The following CPSF2 variants were observed in gnomAD, a reference collection of about 807,000 sequenced individuals.
The protein encoded by CPSF2 is cleavage and polyadenylation specificity factor subunit 2.
CPSF2 carries 51 observed loss-of-function variants against 84.2 expected under a neutral mutation model. The ratio of observed to expected loss-of-function variants is 0.61; its 90% CI spans 0.48 to 0.77. CPSF2 has a LOEUF of 0.77. CPSF2 is among the 30% of genes least tolerant of loss of function. The pLI is 0.00. For missense variants in CPSF2, 641 were observed against 929.4 expected (o/e 0.69, Z 4.03); for synonymous variants, 286 against 311.9 (o/e 0.92, Z 0.87).
intron 2 of CPSF2, among the ~76,000 whole-genome samples, chr14:92,126,454 C>T (rs1440532699): frequency 6.6e-6 from 1 of 152,130 alleles, no homozygotes; most frequent in Non-Finnish European, 1.5e-5. Context: ...AAGGTCCTTT[C>T]CAAAATTGTA....
intron 1 of CPSF2, among the ~76,000 whole-genome samples, chr14:92,125,787 T>TC (rs1310343198): frequency 6.6e-6 from 1 of 152,188 alleles, no homozygotes; most frequent in African/African-American, 2.4e-5. Flanking sequence ...CTCCTGTTAC[T>TC]CCTCTGTTTT....
At chr14:92,143,775 T>A (rs1303098492) in intron 9 of CPSF2, among the ~76,000 whole-genome samples, 1 of 152,086 alleles carries the variant, frequency 6.6e-6, no homozygotes, top group East Asian at 1.9e-4. Context: ...CTGGCTATTT[T>A]TTTATTTTTA....
Position 92,131,025 on chromosome 14 carries a change from A to G in CPSF2, c.41A>G (p.Gln14Arg), listed in dbSNP as rs2068919031. The G allele has an allele frequency of 1.2e-6, 2 of 1,612,876 alleles. No homozygotes were observed. Among genetic ancestry groups the G allele is most frequent in the African/African-American group, 2.7e-5 (2 of 75,002 alleles). The change falls in exon 3 of 16, where the codon CAA (glutamine) becomes CGA (arginine). Residue 14 changes from glutamine (Q) to arginine (R), a missense_variant. Transcript: ENST00000298875. ...AAATTAACTACCCTTTCTGGGGTCC[A>G]AGAAGAATCTGCCCTTTGCTATCTT... is the stretch of plus-strand genomic sequence containing the variant. The part of the protein sequence containing the change: ...IIKLTTLSGV[Q>R]EESALCYLLQ...
chr14:92,125,526 T>C (rs1276104447), intron 1 of CPSF2, among the ~76,000 whole-genome samples: 1 of 152,098 alleles, frequency 6.6e-6, no homozygotes. Flanking sequence ...ACACACCAGC[T>C]AATATCCCCA....
chr14:92,151,699 G>C (rs140542103), intron 9 of CPSF2, among the ~76,000 whole-genome samples: 1 of 152,266 alleles, frequency 6.6e-6, no homozygotes, highest in East Asian at 1.9e-4. Flanking sequence ...GAATCCAGCT[G>C]TCTTCTGTTG....
rs1326189322 is a variant in CPSF2, at chr14:92,170,982, A to C, written c.*9238A>C. 1 of 152,234 alleles carries C rather than the reference A, an allele frequency of 6.6e-6. No homozygotes were observed. Among genetic ancestry groups the C allele is most frequent in the African/African-American group, 2.4e-5 (1 of 41,452 alleles). 9.4% of individuals were successfully genotyped at this position (152,234 alleles called of 1,614,324 possible). ...GTATCCATAGTGAAATGATTATTAC[A>C]GGTATTAATTAATGAGGAATTACGT... On this transcript the variant is annotated 3_prime_UTR_variant, in exon 16 of 16. Transcript: ENST00000298875.
Position 92,154,364 on chromosome 14 carries a change from AAAC to A in CPSF2, c.1148_1150del (p.Lys383_Arg384delinsSer). The A allele has an allele frequency of 6.3e-7, 1 of 1,592,554 alleles. No individual in the cohort carries two copies. Among genetic ancestry groups the A allele is most frequent in the Non-Finnish European group, 8.5e-7 (1 of 1,173,686 alleles). ...GTCTTTTATTTTTTTTTAGTTGAGG[AAAC>A]GTGTGAAGCTTGAAGGGAAAGAACT... On this transcript the variant is annotated inframe_deletion, in exon 10 of 16. Coordinates refer to ENST00000298875, the MANE Select transcript of CPSF2 (RefSeq NM_017437.3).
chr14:92,123,155 T>G (rs2068799036), intron 1 of CPSF2, among the ~76,000 whole-genome samples: 1 of 152,192 alleles, frequency 6.6e-6, no homozygotes. Flanking sequence ...TGAGAAGGAA[T>G]CTCGCTCTGT....
At chr14:92,131,837 CA>C (rs551887912) in intron 3 of CPSF2, among the ~76,000 whole-genome samples, 4 of 140,614 alleles carry the variant, frequency 2.8e-5, no homozygotes, top group African/African-American at 2.6e-5. Context: ...GACTCTGTTT[CA>C]AAAAAAAAAT....
At chr14:92,150,626 C>CT (rs1263426917) in intron 9 of CPSF2, among the ~76,000 whole-genome samples, 1 of 152,032 alleles carries the variant, frequency 6.6e-6, no homozygotes, top group Non-Finnish European at 1.5e-5. Context: ...CTGGGTCTTG[C>CT]TACGCTGCCC....
At position 92,140,806 on chromosome 14, in the gene CPSF2, T is replaced by A. The variant is rs182539895; in HGVS notation, c.662-1358T>A. ...GTACAGGCCCGTAGTTCCAGCTGCT[T>A]GGGAGGCTGGGGTGGGAGGATTGCT... On this transcript the variant is annotated intron_variant, in intron 7 of 15. Coordinates refer to ENST00000298875, the MANE Select transcript of CPSF2 (RefSeq NM_017437.3). Among the ~76,000 whole-genome samples, 112 of 151,824 alleles carry A rather than the reference T, an allele frequency of 7.4e-4. 1 individual carries two copies. In the East Asian group the frequency reaches 0.016, roughly 22 times the overall value.
Position 92,153,482 on chromosome 14 carries a change from T to C in CPSF2, c.1141-876T>C, listed in dbSNP as rs573032676. On this transcript the variant is annotated intron_variant, in intron 9 of 15. Transcript: ENST00000298875. ...TTCTTTATTCATGTTGCTGTATTTA[T>C]TTATGTTTCCCATTATGGCTTTTGG... is the stretch of plus-strand genomic sequence containing the variant. Among the ~76,000 whole-genome samples, 199 of 152,286 alleles carry C rather than the reference T, an allele frequency of 1.3e-3. 1 individual carries two copies. The Middle Eastern group carries it at 0.017, about 13-fold the overall frequency.
intron 6 of CPSF2, among the ~76,000 whole-genome samples, chr14:92,137,842 G>T (rs1396891960): frequency 6.6e-6 from 1 of 152,042 alleles, no homozygotes; most frequent in Non-Finnish European, 1.5e-5. Flanking sequence ...TATGTCCTGG[G>T]TAAAAACCAG....
In CPSF2 at chr14:92,161,663, A is replaced by G; in HGVS notation, c.2268A>G (p.Gly756=). ...NQVAVRRTET[G]RIGLEGCLCQ... ...TATTTGGTTTCTAGACGGAAACTGGACGCATTGGATTAGAAGGCTGCCTTT... is the reference window on the plus strand; with the variant it reads ...TATTTGGTTTCTAGACGGAAACTGGGCGCATTGGATTAGAAGGCTGCCTTT... The change falls in exon 16 of 16, where the codon GGA becomes GGG. Residue 756 remains glycine, a synonymous_variant. Transcript: ENST00000298875. 6.3e-7 allele frequency: 1 copy of G among 1,586,606 alleles called. No individual in the cohort carries two copies. The highest frequency in any genetic ancestry group is 1.9e-5 in the Admixed American group (1 of 51,402).
At position 92,161,711 on chromosome 14, in the gene CPSF2, A is replaced by T; in HGVS notation, c.2316A>T (p.Arg772Ser). The T allele has an allele frequency of 1.9e-6, 3 of 1,595,058 alleles. No homozygotes were observed. Among genetic ancestry groups the T allele is most frequent in the Non-Finnish European group, 2.6e-6 (3 of 1,172,768 alleles). ...GCLCQDFYRIRDLLYEQYAIV is the reference protein window; with the variant it reads ...GCLCQDFYRISDLLYEQYAIV ...TTTGTCAAGATTTTTATAGGATAAG[A>T]GACCTTTTATATGAACAATATGCCA... Residue 772 changes from arginine to serine, a missense_variant, in exon 16 of 16, where the codon AGA becomes AGT. Coordinates refer to ENST00000298875, the MANE Select transcript of CPSF2 (RefSeq NM_017437.3).
rs752433588 is a variant in CPSF2 at position 92,134,400 on chromosome 14, A to G, written c.415+45A>G. 1.6e-5 allele frequency: 21 copies of G among 1,274,902 alleles called. No homozygotes were observed. In the African/African-American group the frequency reaches 3.1e-4, roughly 19 times the overall value. The allele number at this position is 1,274,902 out of a possible 1,614,324, so 79.0% of individuals were successfully genotyped here. On this transcript the variant is annotated intron_variant, in intron 5 of 15. Transcript: ENST00000298875. The stretch of plus-strand genomic sequence containing the variant: ...GTAAGTATTTAGATGAATGGGGTTT[A>G]ACTTGCTGGAAAATACCGAGGAGAA...
intron 9 of CPSF2, among the ~76,000 whole-genome samples, chr14:92,143,519 A>G (rs1024468415): frequency 6.6e-6 from 1 of 151,858 alleles, no homozygotes; most frequent in East Asian, 1.9e-4. Flanking sequence ...CCTGGGCAAC[A>G]TGCCAAGACC....
rs71123318 is a variant in CPSF2 at position 92,122,853 on chromosome 14, CTT to C, written c.-94+739_-94+740del. ...CCTTTAACCCCTTTCTTTTTTCTTT[CTT>C]TTTTTTTTTTTTTAATAAAGACGGG... On this transcript the variant is annotated intron_variant, in intron 1 of 15. Coordinates refer to ENST00000298875, the MANE Select transcript of CPSF2 (RefSeq NM_017437.3). Among the ~76,000 whole-genome samples, 329 of 141,170 alleles carry C rather than the reference CTT, an allele frequency of 2.3e-3. 2 individuals carry two copies. Among genetic ancestry groups the C allele is most frequent in the Middle Eastern group, 3.6e-3 (1 of 274 alleles). 92.6% of individuals were successfully genotyped at this position (141,170 alleles called of 152,430 possible).
intron 6 of CPSF2, among the ~76,000 whole-genome samples, chr14:92,137,610 C>CT (rs1227772454): frequency 6.6e-6 from 1 of 152,118 alleles, no homozygotes; most frequent in African/African-American, 2.4e-5. Flanking sequence ...GCTGGAAAGC[C>CT]TTTTAGCAGT....
Sources: allele counts gnomAD v4.1 joint callset (sites outside exome capture counted in the v4.1 genomes callset), GRCh38; gene constraint gnomAD v4.1.1; transcripts MANE v1.5; gene names NCBI Gene and HGNC (gene_info 2026-07-23, HGNC 2026-07-21).